The following SEMA3D variants were observed in gnomAD, a reference collection of about 807,000 sequenced individuals.
SEMA3D encodes semaphorin 3D, also known as semaphorin-3D.
A neutral mutation model predicts 100.1 loss-of-function variants in SEMA3D; 84 were observed. That is an observed-to-expected ratio of 0.84 (90% confidence interval 0.70 to 1.01). SEMA3D has a LOEUF of 1.01. Among genes scored for constraint, SEMA3D ranks in the 50% least tolerant of loss-of-function variants. The pLI is 0.00. For synonymous variants in SEMA3D, 312 were observed against 320.7 expected (o/e 0.97, Z 0.29); for missense variants, 875 against 934.1 (o/e 0.94, Z 0.82).
chr7:85,197,206 G>T, the SEMA3D span, among the ~76,000 whole-genome samples: 1 of 152,120 alleles, frequency 6.6e-6, no homozygotes, highest in Admixed American at 6.6e-5. Context: ...AACATAGCTA[G>T]ATCTTTTTCT....
At chr7:85,140,467 G>T (rs1212191427) in intron 2 of SEMA3D, 1 of 981,378 alleles carries the variant, frequency 1.0e-6, no homozygotes, top group East Asian at 1.1e-4. Context: ...TTACTGTTCT[G>T]ATATGTACAG....
intron 18 of SEMA3D, 97 bp downstream of exon 18, chr7:85,006,705 A>G: frequency 1.0e-6 from 1 of 962,858 alleles, no homozygotes; most frequent in Non-Finnish European, 1.4e-6. Context: ...TTTTAATCAA[A>G]TAATGATGAG....
the SEMA3D span, among the ~76,000 whole-genome samples, chr7:85,240,655 G>A: frequency 6.6e-6 from 1 of 152,050 alleles, no homozygotes; most frequent in Non-Finnish European, 1.5e-5. Context: ...GTTAATTATT[G>A]ATTAAATGTT....
At chr7:85,223,672 C>A in the SEMA3D span, among the ~76,000 whole-genome samples, 1 of 151,808 alleles carries the variant, frequency 6.6e-6, no homozygotes, top group Non-Finnish European at 1.5e-5. Flanking sequence ...AACTGGAAAA[C>A]CAAACATTGT....
At chr7:85,203,328 G>A in the SEMA3D span, among the ~76,000 whole-genome samples, 2 of 152,150 alleles carry the variant, frequency 1.3e-5, no homozygotes, top group Non-Finnish European at 2.9e-5. Context: ...AGACTGATTA[G>A]AGGCAGTGTT....
chr7:85,154,840 A>T (rs1208674825), intron 1 of SEMA3D, among the ~76,000 whole-genome samples: 4 of 152,192 alleles, frequency 2.6e-5, no homozygotes, highest in African/African-American at 9.6e-5. Context: ...AAGAGAAAAG[A>T]GTAAAACCTT....
At chr7:85,129,724 T>C (rs1789670573) in intron 2 of SEMA3D, among the ~76,000 whole-genome samples, 1 of 152,134 alleles carries the variant, frequency 6.6e-6, no homozygotes, top group Non-Finnish European at 1.5e-5. Flanking sequence ...ATTACGTTTT[T>C]GGATGTATGC....
chr7:85,101,432 A>G (rs1353353499), intron 3 of SEMA3D, among the ~76,000 whole-genome samples: 1 of 152,036 alleles, frequency 6.6e-6, no homozygotes, highest in African/African-American at 2.4e-5. Flanking sequence ...TATGAATTTT[A>G]GGTTCAGGCC....
chr7:85,078,239 C>T (rs1162569497), intron 5 of SEMA3D, among the ~76,000 whole-genome samples: 1 of 148,258 alleles, frequency 6.7e-6, no homozygotes, highest in Non-Finnish European at 1.5e-5. Flanking sequence ...AAACTTTCTA[C>T]AATGAACATT....
intron 3 of SEMA3D, among the ~76,000 whole-genome samples, chr7:85,111,871 C>T (rs1341601767): frequency 6.6e-6 from 1 of 152,054 alleles, no homozygotes; most frequent in Non-Finnish European, 1.5e-5. Flanking sequence ...ATGCCAGACA[C>T]ACTTTCACTC....
chr7:85,164,193 G>T (rs561253341), intron 1 of SEMA3D, among the ~76,000 whole-genome samples: 9 of 152,050 alleles, frequency 5.9e-5, no homozygotes, highest in Non-Finnish European at 1.2e-4. Context: ...TTTTCATAAC[G>T]TTGCTACATG....
the SEMA3D span, among the ~76,000 whole-genome samples, chr7:85,201,092 A>C: frequency 6.6e-6 from 1 of 152,206 alleles, no homozygotes; most frequent in Non-Finnish European, 1.5e-5. Context: ...TTCTTTTGAT[A>C]TACCAAAAGA....
intron 2 of SEMA3D, among the ~76,000 whole-genome samples, chr7:85,147,915 G>C (rs969258227): frequency 2.0e-5 from 3 of 152,162 alleles, no homozygotes; most frequent in Non-Finnish European, 4.4e-5. Flanking sequence ...TCAACTGGGA[G>C]TGCACCCTGT....
At chr7:85,078,339 G>A (rs57479070) in intron 5 of SEMA3D, among the ~76,000 whole-genome samples, 6,491 of 151,418 alleles carry the variant, frequency 0.043, 471 homozygotes, top group African/African-American at 0.15. Flanking sequence ...AGGGAAGGAA[G>A]GAAAGAAGGA....
the SEMA3D span, among the ~76,000 whole-genome samples, chr7:85,208,149 G>T: frequency 1.3e-4 from 19 of 151,826 alleles, no homozygotes; most frequent in Non-Finnish European, 2.2e-4. Context: ...TTACATAATT[G>T]CATTTATCAA....
At chr7:85,059,157 A>T (rs1054520999) in intron 8 of SEMA3D, among the ~76,000 whole-genome samples, 1 of 152,196 alleles carries the variant, frequency 6.6e-6, no homozygotes, top group African/African-American at 2.4e-5. Flanking sequence ...GTGCTGCCAA[A>T]CTGGATGGAA....
chr7:85,014,254 G>C (rs1790035615), intron 16 of SEMA3D, among the ~76,000 whole-genome samples: 2 of 151,676 alleles, frequency 1.3e-5, no homozygotes, highest in Non-Finnish European at 3.0e-5. Flanking sequence ...ATTTCACCTA[G>C]AGGAAAATAT....
intron 17 of SEMA3D, among the ~76,000 whole-genome samples, chr7:85,012,357 T>C (rs1789978278): frequency 1.3e-5 from 2 of 151,786 alleles, no homozygotes; most frequent in Admixed American, 1.3e-4. Flanking sequence ...TAGGTGAATA[T>C]AAATAAAGTA....
At chr7:85,250,022 G>A in the SEMA3D span, among the ~76,000 whole-genome samples, 4 of 152,092 alleles carry the variant, frequency 2.6e-5, no homozygotes, top group Non-Finnish European at 5.9e-5. Context: ...CACCGTGCAC[G>A]AGCCAAAGCA....
Sources: allele counts gnomAD v4.1 joint callset (sites outside exome capture counted in the v4.1 genomes callset), GRCh38; gene constraint gnomAD v4.1.1; transcripts MANE v1.5; gene names NCBI Gene and HGNC (gene_info 2026-07-23, HGNC 2026-07-21).